Variants in NIBAN1 observed in about 807,000 individuals in gnomAD.
NIBAN1 encodes the protein protein Niban 1.
Under a neutral mutation model 75.1 loss-of-function variants are expected in NIBAN1, and 81 were observed. That is an observed-to-expected ratio of 1.08 (90% CI 0.90 to 1.30). NIBAN1 has a LOEUF of 1.30. Among genes scored for constraint, NIBAN1 ranks in the 50% most tolerant of loss-of-function variants. The pLI is 0.00. For synonymous variants in NIBAN1, 436 were observed against 424.8 expected (o/e 1.03, Z -0.32); for missense variants, 1,133 against 1,128.1 (o/e 1.00, Z -0.06).
chr1:184,870,354 G>A (rs958034429), intron 5 of NIBAN1, among the ~76,000 whole-genome samples: 7 of 152,086 alleles, frequency 4.6e-5, no homozygotes, highest in African/African-American at 1.5e-4. Context: ...CACATAACAC[G>A]TAGGATATAA....
intron 1 of NIBAN1, among the ~76,000 whole-genome samples, chr1:184,912,369 G>T (rs1423675426): frequency 2.0e-5 from 3 of 152,148 alleles, no homozygotes; most frequent in African/African-American, 7.2e-5. Flanking sequence ...TACTGCGTGT[G>T]TTAAGAATAT....
chr1:184,879,709 A>T (rs1656327778), intron 5 of NIBAN1, among the ~76,000 whole-genome samples: 2 of 152,232 alleles, frequency 1.3e-5, no homozygotes, highest in Admixed American at 1.3e-4. Context: ...AAAACTTGCA[A>T]GTATCAAAAT....
intron 6 of NIBAN1, among the ~76,000 whole-genome samples, chr1:184,826,672 G>C (rs1382475924): frequency 6.6e-6 from 1 of 152,178 alleles, no homozygotes; most frequent in Non-Finnish European, 1.5e-5. Flanking sequence ...TGTGAAATGG[G>C]TTTGAAAATA....
chr1:184,896,215 AT>A (rs1557904567), intron 2 of NIBAN1, among the ~76,000 whole-genome samples: 4 of 152,012 alleles, frequency 2.6e-5, no homozygotes. Flanking sequence ...CATCCACATC[AT>A]CTGTTATTTT....
intron 5 of NIBAN1, among the ~76,000 whole-genome samples, chr1:184,881,130 C>A (rs1352185770): frequency 1.3e-5 from 2 of 150,826 alleles, no homozygotes; most frequent in African/African-American, 2.5e-5. Flanking sequence ...CACACACAAC[C>A]TTTATTCTCC....
intron 10 of NIBAN1, 88 bp downstream of exon 10, chr1:184,807,986 T>C (rs1235496347): frequency 1.4e-6 from 2 of 1,474,400 alleles, no homozygotes; most frequent in African/African-American, 1.4e-5. Flanking sequence ...TTCCCTGAGC[T>C]ACACTAGCAG....
In NIBAN1 at chr1:184,795,376, AGAGGCTG is replaced by A; in HGVS notation, c.2381_2387del (p.Pro794LeufsTer51). On this transcript the variant is annotated frameshift_variant, in exon 14 of 14. Coordinates refer to ENST00000367511, the MANE Select transcript of NIBAN1 (RefSeq NM_052966.4). LOFTEE classifies it low-confidence loss of function (END_TRUNC). ...CGGTGAGCCCTCCACTGGCTGGCGGAGAGGCTGGGCTGCCTACCTCTGGAAATCCCCC... is the reference window on the plus strand; with the variant it reads ...CGGTGAGCCCTCCACTGGCTGGCGGAGGCTGCCTACCTCTGGAAATCCCCC... 3 of 1,604,476 alleles carry A rather than the reference AGAGGCTG, an allele frequency of 1.9e-6. No individual in the cohort carries two copies. In the South Asian group the frequency reaches 3.3e-5, roughly 18 times the overall value.
intron 5 of NIBAN1, among the ~76,000 whole-genome samples, chr1:184,864,335 CAAACTATAA>C (rs1191879036): frequency 1.6e-5 from 2 of 127,062 alleles, no homozygotes; most frequent in Non-Finnish European, 3.6e-5. Context: ...ATACTTCTGA[CAAACTATAA>C]CGTACAAACC....
rs1654711337 is a variant in NIBAN1 at position 184,821,851 on chromosome 1, GTAAA to G, written c.985+1312_985+1315del. Among the ~76,000 whole-genome samples, 3 of 152,242 alleles carry G rather than the reference GTAAA, an allele frequency of 2.0e-5. No individual in the cohort carries two copies. In the South Asian group the frequency reaches 6.2e-4, roughly 32 times the overall value. On this transcript the variant is annotated intron_variant, in intron 8 of 13. Transcript: ENST00000367511. ...TAGAGCTGGCTTTGGAAAGGATGGC[GTAAA>G]TAGACACCCAGAGATACACAGACAC...
intron 1 of NIBAN1, among the ~76,000 whole-genome samples, chr1:184,931,909 C>T (rs1277391253): frequency 1.3e-5 from 2 of 152,214 alleles, no homozygotes; most frequent in Non-Finnish European, 2.9e-5. Flanking sequence ...GTCATGTTCA[C>T]ATCAAATACT....
At chr1:184,841,193 G>A (rs76036922) in intron 5 of NIBAN1, among the ~76,000 whole-genome samples, 2,493 of 152,122 alleles carry the variant, frequency 0.016, 65 homozygotes, top group African/African-American at 0.056. Flanking sequence ...AACAATATGT[G>A]CCTGATACAT....
intron 5 of NIBAN1, among the ~76,000 whole-genome samples, chr1:184,871,051 G>C (rs1428610780): frequency 6.6e-6 from 1 of 152,060 alleles, no homozygotes; most frequent in Non-Finnish European, 1.5e-5. Flanking sequence ...CCTTATAAAA[G>C]AGGAAAATGT....
At chr1:184,959,097 A>G (rs543661343) in intron 1 of NIBAN1, among the ~76,000 whole-genome samples, 1 of 152,364 alleles carries the variant, frequency 6.6e-6, no homozygotes, top group African/African-American at 2.4e-5. Context: ...GCACAAGGCC[A>G]CCAATAATGA....
At chr1:184,891,915 C>T (rs1439094996) in intron 3 of NIBAN1, among the ~76,000 whole-genome samples, 1 of 152,078 alleles carries the variant, frequency 6.6e-6, no homozygotes, top group Non-Finnish European at 1.5e-5. Flanking sequence ...TTTCAAAAAA[C>T]ACTTGGTTAT....
At chr1:184,852,379 T>C (rs1390222636) in intron 5 of NIBAN1, among the ~76,000 whole-genome samples, 4 of 152,110 alleles carry the variant, frequency 2.6e-5, no homozygotes, top group Non-Finnish European at 5.9e-5. Context: ...GTGTCATAGG[T>C]GATGTCATCT....
intron 1 of NIBAN1, among the ~76,000 whole-genome samples, chr1:184,907,295 A>C (rs1488208922): frequency 6.6e-6 from 1 of 152,222 alleles, no homozygotes; most frequent in African/African-American, 2.4e-5. Context: ...GAAATAAATA[A>C]AAATAAGTTT....
At chr1:184,867,083 G>A (rs766113390) in intron 5 of NIBAN1, among the ~76,000 whole-genome samples, 2 of 151,794 alleles carry the variant, frequency 1.3e-5, no homozygotes, top group African/African-American at 2.4e-5. Flanking sequence ...ATACTAATGC[G>A]GTGACATCAG....
intron 1 of NIBAN1, among the ~76,000 whole-genome samples, chr1:184,923,337 T>A (rs866075227): frequency 6.6e-6 from 1 of 152,222 alleles, no homozygotes; most frequent in African/African-American, 2.4e-5. Flanking sequence ...TTCTCCAAAG[T>A]ATGCTCTTGT....
chr1:184,915,512 G>A (rs945394288), intron 1 of NIBAN1, among the ~76,000 whole-genome samples: 23 of 152,292 alleles, frequency 1.5e-4, no homozygotes, highest in African/African-American at 5.3e-4. Flanking sequence ...GGGGTGATGG[G>A]GGAGATTGTA....
Sources: allele counts gnomAD v4.1 joint callset (sites outside exome capture counted in the v4.1 genomes callset), GRCh38; gene constraint gnomAD v4.1.1; transcripts MANE v1.5; gene names NCBI Gene and HGNC (gene_info 2026-07-23, HGNC 2026-07-21).